SRI: variants seen among roughly 807,000 people sequenced by gnomAD.
SRI encodes sorcin.
Under a neutral mutation model 33.3 loss-of-function variants are expected in SRI, and 30 were observed. That is an observed-to-expected ratio of 0.90 (90% CI 0.67 to 1.22). The LOEUF is 1.22. SRI is among the 50% of genes most tolerant of loss of function. The pLI is 0.00. For synonymous variants in SRI, 75 were observed against 89.9 expected, an observed-to-expected ratio of 0.83 and a Z score of 0.94; for missense variants, 243 against 250.8, an observed-to-expected ratio of 0.97 and a Z score of 0.21.
At position 88,206,329 on chromosome 7, in the gene SRI, C is replaced by G. The variant is rs559320403; in HGVS notation, c.*149G>C. On this transcript the variant is annotated 3_prime_UTR_variant, in exon 8 of 8. Transcript: ENST00000265729. ...ATTTATTATCAAAACTAAAACAAAA[C>G]TTCAGTTGTACATAAAGTAATAAAC... 251 of 907,966 alleles carry G rather than the reference C, an allele frequency of 2.8e-4. 1 individual carries two copies. Among genetic ancestry groups the G allele is most frequent in the Admixed American group, 2.9e-4 (15 of 51,026 alleles). The allele number at this position is 907,966 out of a possible 1,614,324, so 56.2% of individuals were successfully genotyped here.
chr7:88,209,248 G>C (rs1222549073), intron 6 of SRI, 91 bp downstream of exon 6: 1 of 1,047,462 alleles, frequency 9.5e-7, no homozygotes, highest in African/African-American at 1.6e-5. Context: ...AAAAAATTTG[G>C]GAAGAATAAA....
At chr7:88,220,149 C>G (rs1851854490), upstream of SRI, 6 of 1,341,966 alleles carry the variant, frequency 4.5e-6, no homozygotes, top group Non-Finnish European at 2.8e-6. Flanking sequence ...GGGACGCGCT[C>G]CGCAGTCGTC....
chr7:88,210,900 A>G lies in SRI; in HGVS notation c.231T>C (p.Leu77=). The change falls in exon 4 of 8, where the codon CTT becomes CTC. Residue 77 remains leucine, a synonymous_variant. Transcript: ENST00000265729. ...AGGATACATCCAGCATTGAAACCAT[A>G]AGCCGGCAAGTCTCCAGGTTAAAAG... is the stretch of plus-strand genomic sequence containing the variant. ...YKPFNLETCR[L]MVSMLDRDMS... The G allele has an allele frequency of 3.7e-6, 6 of 1,613,632 alleles. No homozygotes were observed. Among genetic ancestry groups the G allele is most frequent in the Non-Finnish European group, 5.1e-6 (6 of 1,179,730 alleles).
Position 88,210,052 on chromosome 7 carries a change from T to G in SRI, c.328A>C (p.Ile110Leu). The change falls in exon 5 of 8, where the codon ATC (isoleucine) becomes CTC (leucine). Residue 110 changes from isoleucine (I) to leucine (L), a missense_variant. Coordinates refer to ENST00000265729, the MANE Select transcript of SRI (RefSeq NM_003130.4). Reference sequence around the variant, plus strand: ...CCACTCCTGTCAGTGTCAAAACTGATAAAGTGTTGTCTCCAGCCATTCAGT... The same window carrying G: ...CCACTCCTGTCAGTGTCAAAACTGAGAAAGTGTTGTCTCCAGCCATTCAGT... Reference protein sequence around the residue: ...AVLNGWRQHFISFDTDRSGTV... With the variant: ...AVLNGWRQHFLSFDTDRSGTV... The G allele has an allele frequency of 6.2e-7, 1 of 1,614,182 alleles. No homozygotes were observed. The highest frequency in any genetic ancestry group is 8.5e-7 in the Non-Finnish European group (1 of 1,180,016).
At chr7:88,213,378 C>T (rs540843262) in intron 3 of SRI, among the ~76,000 whole-genome samples, 6 of 152,272 alleles carry the variant, frequency 3.9e-5, no homozygotes, top group South Asian at 2.1e-4. Flanking sequence ...TGTTCAACCC[C>T]GTACACTATC....
chr7:88,220,694 G>A (rs43101), upstream of SRI, among the ~76,000 whole-genome samples: 30,697 of 152,190 alleles, frequency 0.2, 4,440 homozygotes, highest in East Asian at 0.75. Flanking sequence ...CTTGTGTCCT[G>A]AGTAGGACAG....
chr7:88,224,040 A>G (rs1185297339), upstream of SRI, among the ~76,000 whole-genome samples: 1 of 152,208 alleles, frequency 6.6e-6, no homozygotes, highest in African/African-American at 2.4e-5. Flanking sequence ...CTTTCTGATC[A>G]TATACTCCAA....
intron 3 of SRI, 147 bp downstream of exon 3, chr7:88,216,975 T>C: frequency 1.3e-6 from 1 of 767,626 alleles, no homozygotes; most frequent in Non-Finnish European, 2.3e-6. Flanking sequence ...ATCAACATTT[T>C]GAAATAGTAC....
In SRI at chr7:88,217,149, GT is replaced by G. The variant is rs1671094567; in HGVS notation, c.177del (p.Gln60SerfsTer43). On this transcript the variant is annotated frameshift_variant, in exon 3 of 8. Coordinates refer to ENST00000265729, the MANE Select transcript of SRI (RefSeq NM_003130.4). LOFTEE classifies it high-confidence loss of function. ...IDADELQRCLTQSGIAGGYKP... is the reference protein window; with the variant it reads ...IDADELQRCLXQSGIAGGYKP... ...TTGTATCCTCCAGCAATGCCAGACT[GT>G]GTCAGACATCTCTGCAATTCATCAG... 6.2e-7 allele frequency: 1 copy of G among 1,613,238 alleles called. No homozygotes were observed. Among genetic ancestry groups the G allele is most frequent in the Admixed American group, 1.7e-5 (1 of 59,994 alleles).
chr7:88,218,682 C>T, intron 2 of SRI, 177 bp downstream of exon 2: 2 of 582,346 alleles, frequency 3.4e-6, no homozygotes, highest in African/African-American at 1.9e-5. Flanking sequence ...ACACTTTGTC[C>T]TCATTTATTC....
At chr7:88,209,876 A>G in intron 5 of SRI, 107 bp downstream of exon 5, 1 of 1,490,818 alleles carries the variant, frequency 6.7e-7, no homozygotes, top group Non-Finnish European at 9.3e-7. Context: ...TTGGCCTCCC[A>G]AAGTGCTGGG....
chr7:88,216,921 G>C (rs373074643), intron 3 of SRI, among the ~76,000 whole-genome samples: 58 of 152,274 alleles, frequency 3.8e-4, no homozygotes, highest in African/African-American at 1.3e-3. Context: ...TTACAGGTGT[G>C]AGCCACTGTG....
In SRI at chr7:88,219,981, C is replaced by T. The variant is rs1245892605; in HGVS notation, c.46G>A (p.Gly16Ser). The change falls in exon 1 of 8, where the codon GGC becomes AGC. Residue 16 changes from glycine to serine, a missense_variant. By Grantham distance (56) the Gly-to-Ser change is moderately conservative (BLOSUM62 0). Transcript: ENST00000265729. ...HPGAGGGYYP[G>S]GYGGAPGGPA... is the part of the protein sequence containing the mutation. ...CCCGCGCAGTCAGCACTTACCCCGC[C>T]TGGGTAGTACCCGCCGCCGGCGCCA... 1 of 1,539,698 alleles carries T rather than the reference C, an allele frequency of 6.5e-7. No homozygotes were observed. The highest frequency in any genetic ancestry group is 1.2e-5 in the South Asian group (1 of 83,518).
chr7:88,223,898 A>T (rs1327308433), upstream of SRI, among the ~76,000 whole-genome samples: 1 of 152,110 alleles, frequency 6.6e-6, no homozygotes, highest in East Asian at 1.9e-4. Context: ...TGTCAGAACG[A>T]TTTACTAAGT....
Position 88,206,479 on chromosome 7 carries a change from T to TA in SRI, c.595dup (p.Ter199LeufsTer8). On this transcript the variant is annotated frameshift_variant and stop_lost, in exon 8 of 8. Coordinates refer to ENST00000265729, the MANE Select transcript of SRI (RefSeq NM_003130.4). LOFTEE classifies it high-confidence loss of function. ...ACATTCATGCAGCTTCCTCTTGATT[T>TA]AAACACTCATGACACATTGAATGAA... The TA allele has an allele frequency of 1.2e-6, 2 of 1,613,934 alleles. No homozygotes were observed. The highest frequency in any genetic ancestry group is 1.7e-6 in the Non-Finnish European group (2 of 1,179,870).
At chr7:88,215,838 C>G (rs1851696644) in intron 3 of SRI, among the ~76,000 whole-genome samples, 1 of 152,194 alleles carries the variant, frequency 6.6e-6, no homozygotes, top group South Asian at 2.1e-4. Context: ...GATGTTTTGT[C>G]TCAATTAACA....
Position 88,208,539 on chromosome 7 carries a change from G to A in SRI, c.538C>T (p.Gln180Ter). ...TATGGGAAATTCACAACACCTTGCT[G>A]AGCAGTATCCCGTCTTCGAAAGCTG... ...TDSFRRRDTA[Q>*]QGVVNFPYDD... The change falls in exon 7 of 8, where the codon CAG (glutamine) becomes TAG (stop). Residue 180 changes from glutamine (Q) to a stop codon, truncating the protein, a stop_gained. Transcript: ENST00000265729. LOFTEE classifies it high-confidence loss of function. The A allele has an allele frequency of 6.2e-7, 1 of 1,613,872 alleles. No homozygotes were observed. The highest frequency in any genetic ancestry group is 8.5e-7 in the Non-Finnish European group (1 of 1,179,894).
upstream of SRI, chr7:88,220,207 T>G: frequency 7.6e-7 from 1 of 1,313,336 alleles, no homozygotes; most frequent in Non-Finnish European, 9.6e-7. Flanking sequence ...GCCTGCGCGC[T>G]TCTTCGTATC....
upstream of SRI, chr7:88,220,197 G>C (rs936933710): frequency 2.3e-6 from 3 of 1,313,824 alleles, no homozygotes; most frequent in Non-Finnish European, 2.9e-6. Context: ...TGGCTCCCCT[G>C]CCTGCGCGCT....
Sources: gnomAD v4.1 joint callset for allele counts (sites outside exome capture counted in the v4.1 genomes callset) on GRCh38, gnomAD v4.1.1 for gene constraint, MANE v1.5 for transcripts, NCBI Gene and HGNC (gene_info 2026-07-23, HGNC 2026-07-21) for gene names.